RECK: variants seen among roughly 807,000 people sequenced by gnomAD.
RECK encodes reversion inducing cysteine rich protein with kazal motifs.
Under a neutral mutation model 115.1 loss-of-function variants are expected in RECK, and 69 were observed. The observed-to-expected ratio is 0.60, with a 90% confidence interval of 0.49 to 0.73. The LOEUF (loss-of-function observed/expected upper bound fraction) is 0.73. RECK is among the 30% of genes least tolerant of loss of function. The probability of loss-of-function intolerance (pLI) is 0.00; values close to 1 mark genes in which losing one functional copy is unlikely to be tolerated. For synonymous variants in RECK, 414 were observed against 419.7 expected, an observed-to-expected ratio of 0.99 and a Z score of 0.17; for missense variants, 1,047 against 1,203.7, an observed-to-expected ratio of 0.87 and a Z score of 1.93.
intron 6 of RECK, among the ~76,000 whole-genome samples, chr9:36,069,820 A>G (rs1588292928): frequency 6.6e-6 from 1 of 152,178 alleles, no homozygotes; most frequent in African/African-American, 2.4e-5. Context: ...TCCACATATT[A>G]TAGACAGACA....
chr9:36,080,528 TA>T, intron 6 of RECK, 76 bp from the exon 7 acceptor site: 1 of 1,148,052 alleles, frequency 8.7e-7, no homozygotes. Context: ...GATTTCCATG[TA>T]ACCATAAAGT....
At chr9:36,057,872 C>T (rs1482726702) in intron 2 of RECK, among the ~76,000 whole-genome samples, 1 of 151,990 alleles carries the variant, frequency 6.6e-6, no homozygotes, top group East Asian at 1.9e-4. Context: ...CAAAAGAAGA[C>T]ATTTATGCAG....
chr9:36,113,935 T>A (rs980260727), intron 16 of RECK, among the ~76,000 whole-genome samples: 2 of 152,212 alleles, frequency 1.3e-5, no homozygotes, highest in African/African-American at 4.8e-5. Flanking sequence ...ATATCAATAA[T>A]TTCACAGAGT....
chr9:36,114,887 T>C lies in RECK; in HGVS notation c.2061-2098T>C, dbSNP rs1411568745. 2.6e-5 allele frequency among the ~76,000 whole-genome samples: 4 copies of C among 151,442 alleles called. No homozygotes were observed. In the East Asian group the frequency reaches 7.8e-4, roughly 29 times the overall value. On this transcript the variant is annotated intron_variant, in intron 16 of 20. Coordinates refer to ENST00000377966, the MANE Select transcript of RECK (RefSeq NM_021111.3). The stretch of plus-strand genomic sequence containing the variant: ...AACAAAAAACACTAAAAGAAAGAAA[T>C]TGGTAATAGTGGTGCCTCTAGGGAA...
chr9:36,073,335 T>G (rs550999325), intron 6 of RECK, among the ~76,000 whole-genome samples: 3 of 151,982 alleles, frequency 2.0e-5, no homozygotes, highest in Admixed American at 2.0e-4. Context: ...GTTGTACCAA[T>G]ATGATCCTTC....
At chr9:36,060,221 G>T (rs1302797180) in intron 4 of RECK, 66 bp downstream of exon 4, 5 of 1,485,160 alleles carry the variant, frequency 3.4e-6, no homozygotes. Flanking sequence ...TGTAAAATTG[G>T]TGTCATTGTC....
rs1241232362 is a variant in RECK at position 36,123,646 on chromosome 9, C to T, written c.*601C>T. The T allele has an allele frequency of 6.6e-6, 1 of 152,208 alleles. No homozygotes were observed. The allele number at this position is 152,208 out of a possible 1,614,324, so 9.4% of individuals were successfully genotyped here. On this transcript the variant is annotated 3_prime_UTR_variant, in exon 21 of 21. Coordinates refer to ENST00000377966, the MANE Select transcript of RECK (RefSeq NM_021111.3). ...CCCCAACTACTGTGTTATGCAAAAG[C>T]AAGCTGATTAAATGACACTCATATA... is the stretch of plus-strand genomic sequence containing the variant.
At chr9:36,091,012 G>T in intron 9 of RECK, 152 bp from the exon 10 acceptor site, 3 of 574,990 alleles carry the variant, frequency 5.2e-6, no homozygotes, top group Non-Finnish European at 8.7e-6. Context: ...ACTTTTTCTG[G>T]CTCTAGTTTC....
intron 1 of RECK, among the ~76,000 whole-genome samples, chr9:36,037,606 A>G (rs2132537986): frequency 6.6e-6 from 1 of 152,038 alleles, no homozygotes; most frequent in African/African-American, 2.4e-5. Context: ...ATTAAAAATC[A>G]GTAAACCCTG....
In RECK at chr9:36,122,919, C is replaced by A; in HGVS notation, c.2790C>A (p.Ile930=). 6.2e-7 allele frequency: 1 copy of A among 1,614,248 alleles called. No individual in the cohort carries two copies. Among genetic ancestry groups the A allele is most frequent in the Non-Finnish European group, 8.5e-7 (1 of 1,180,042 alleles). The change falls in exon 21 of 21, where the codon ATC becomes ATA. Residue 930 remains isoleucine (I), a synonymous_variant. Transcript: ENST00000377966. ...CCCATGTCCCTCTCTCTGCCCTCAT[C>A]ATTTCCCAGGTACAGGTCTCCAGCA... is the stretch of plus-strand genomic sequence containing the variant. ...LASHVPLSAL[I]ISQVQVSSSV... is the part of the protein sequence containing the mutation.
chr9:36,100,918 CTT>C (rs938911281), intron 11 of RECK, among the ~76,000 whole-genome samples: 2 of 151,898 alleles, frequency 1.3e-5, no homozygotes, highest in Admixed American at 1.3e-4. Context: ...AATTTATGGA[CTT>C]GTCTTATATT....
chr9:36,123,022 CA>C lies in RECK; in HGVS notation c.2894del (p.His965ProfsTer34). 6.2e-7 allele frequency: 1 copy of C among 1,614,038 alleles called. No homozygotes were observed. The highest frequency in any genetic ancestry group is 1.1e-5 in the South Asian group (1 of 91,062). On this transcript the variant is annotated frameshift_variant, in exon 21 of 21. Coordinates refer to ENST00000377966, the MANE Select transcript of RECK (RefSeq NM_021111.3). LOFTEE classifies it high-confidence loss of function. ...LLPLSLGLALHLLWTYN is the reference protein window; with the variant it reads ...LLPLSLGLALXLLWTYN The stretch of plus-strand genomic sequence containing the variant: ...TCCCCTCAGCTTGGGCCTTGCCTTG[CA>C]CTTGCTCTGGACATATAACTGACTG...
At chr9:36,037,795 T>C (rs1820726584) in intron 1 of RECK, among the ~76,000 whole-genome samples, 1 of 151,564 alleles carries the variant, frequency 6.6e-6, no homozygotes, top group Non-Finnish European at 1.5e-5. Context: ...CAGCAGGAGA[T>C]TGAAGTAACT....
At chr9:36,047,570 A>C (rs1347774710) in intron 1 of RECK, among the ~76,000 whole-genome samples, 1 of 151,848 alleles carries the variant, frequency 6.6e-6, no homozygotes, top group African/African-American at 2.4e-5. Flanking sequence ...GCACCACTCC[A>C]CTCCAGCCTG....
intron 1 of RECK, among the ~76,000 whole-genome samples, chr9:36,050,606 A>G (rs1821248101): frequency 2.0e-5 from 3 of 152,172 alleles, no homozygotes; most frequent in Non-Finnish European, 4.4e-5. Flanking sequence ...TGATTATGAC[A>G]TGCTGCTCAA....
chr9:36,098,283 T>C (rs1157675447), intron 10 of RECK, among the ~76,000 whole-genome samples: 1 of 152,222 alleles, frequency 6.6e-6, no homozygotes, highest in Non-Finnish European at 1.5e-5. Flanking sequence ...AATTTAGCCA[T>C]TCCACATGTG....
chr9:36,083,556 A>G lies in RECK; in HGVS notation c.631A>G (p.Thr211Ala), dbSNP rs1001361718. ...YTQSYPMRNP[T>A]DSLYCCDRAE... is the part of the protein sequence containing the mutation. ...TCAATCTTATCCAATGAGGAACCCA[A>G]CGGATAGTAAGTAAAAGGGACATAT... is the stretch of plus-strand genomic sequence containing the variant. Residue 211 changes from threonine to alanine, a missense_variant, in exon 8 of 21, where the codon ACG (threonine) becomes GCG (alanine). Coordinates refer to ENST00000377966, the MANE Select transcript of RECK (RefSeq NM_021111.3). The G allele has an allele frequency of 3.7e-6, 6 of 1,612,504 alleles. No homozygotes were observed. Among genetic ancestry groups the G allele is most frequent in the African/African-American group, 2.7e-5 (2 of 74,912 alleles).
intron 2 of RECK, among the ~76,000 whole-genome samples, chr9:36,057,457 C>A (rs1393961215): frequency 6.6e-6 from 1 of 152,070 alleles, no homozygotes; most frequent in Admixed American, 6.6e-5. Context: ...TGCTTATTTG[C>A]GAAACTAATC....
intron 2 of RECK, among the ~76,000 whole-genome samples, chr9:36,058,315 T>C (rs1442701892): frequency 6.7e-6 from 1 of 148,886 alleles, no homozygotes; most frequent in Non-Finnish European, 1.5e-5. Flanking sequence ...TGGAATACTA[T>C]GCAGCCATAA....
Sources: allele counts gnomAD v4.1 joint callset (sites outside exome capture counted in the v4.1 genomes callset), GRCh38; gene constraint gnomAD v4.1.1; transcripts MANE v1.5; gene names NCBI Gene and HGNC (gene_info 2026-07-23, HGNC 2026-07-21).